ST6GALNAC3: variants seen among roughly 807,000 people sequenced by gnomAD.
ST6GALNAC3 encodes alpha-N-acetylgalactosaminide alpha-2,6-sialyltransferase 3.
A neutral mutation model predicts 32.7 loss-of-function variants in ST6GALNAC3; 25 were observed. That is an observed-to-expected ratio of 0.76 (90% CI 0.56 to 1.07). The LOEUF is 1.07. ST6GALNAC3 is among the 50% of genes least tolerant of loss of function. The pLI, the probability that ST6GALNAC3 is intolerant of heterozygous loss-of-function variation, is 0.00. For synonymous variants in ST6GALNAC3, 129 were observed against 133.1 expected (o/e 0.97, Z 0.21); for missense variants, 355 against 382.4 (o/e 0.93, Z 0.60).
chr1:76,332,402 T>A (rs1384628021), intron 2 of ST6GALNAC3, among the ~76,000 whole-genome samples: 3 of 152,228 alleles, frequency 2.0e-5, no homozygotes, highest in Middle Eastern at 3.2e-3. Context: ...AAATTGGGAT[T>A]CTGCAAATTG....
chr1:76,542,445 A>G (rs1285226359), intron 3 of ST6GALNAC3, among the ~76,000 whole-genome samples: 1 of 152,178 alleles, frequency 6.6e-6, no homozygotes, highest in Non-Finnish European at 1.5e-5. Flanking sequence ...ACTATTAATA[A>G]TTCATGCTCT....
At chr1:76,378,078 G>C (rs1254480371) in intron 2 of ST6GALNAC3, among the ~76,000 whole-genome samples, 10 of 152,230 alleles carry the variant, frequency 6.6e-5, no homozygotes, top group Middle Eastern at 3.4e-3. Flanking sequence ...GCTTACTCCA[G>C]GCCTCTTGGC....
At chr1:76,375,603 T>C (rs1222793918) in intron 2 of ST6GALNAC3, among the ~76,000 whole-genome samples, 1 of 152,084 alleles carries the variant, frequency 6.6e-6, no homozygotes, top group African/African-American at 2.4e-5. Flanking sequence ...GGACCAACGG[T>C]TGATTTTCAA....
intron 3 of ST6GALNAC3, among the ~76,000 whole-genome samples, chr1:76,511,458 T>A (rs1661856268): frequency 6.6e-6 from 1 of 152,158 alleles, no homozygotes; most frequent in Non-Finnish European, 1.5e-5. Context: ...GCTGCTCACA[T>A]CCCTAGCCTG....
chr1:76,305,977 A>G (rs751684044), intron 1 of ST6GALNAC3: 1 of 513,752 alleles, frequency 1.9e-6, no homozygotes, highest in South Asian at 1.4e-5. Flanking sequence ...TAATGGGAAC[A>G]TTCTCATATA....
In ST6GALNAC3 at chr1:76,294,478, A is replaced by G. The variant is rs111821676; in HGVS notation, c.19-19327A>G. The stretch of plus-strand genomic sequence containing the variant: ...ACTATCATATTGCACTTCTAATCAA[A>G]AAATAAATTGAACATAGTGGTAGGC... On this transcript the variant is annotated intron_variant, in intron 1 of 4. Transcript: ENST00000328299. 7.1e-3 allele frequency among the ~76,000 whole-genome samples: 1,084 copies of G among 152,262 alleles called. 17 individuals are homozygous for G. Among genetic ancestry groups the G allele is most frequent in the African/African-American group, 0.025 (1,037 of 41,556 alleles).
chr1:76,575,056 T>G (rs1646778689), intron 3 of ST6GALNAC3, among the ~76,000 whole-genome samples: 1 of 152,152 alleles, frequency 6.6e-6, no homozygotes, highest in Non-Finnish European at 1.5e-5. Flanking sequence ...AAATATTCAT[T>G]TTTATAGCTG....
chr1:76,213,149 C>G (rs1363064323), intron 1 of ST6GALNAC3, among the ~76,000 whole-genome samples: 1 of 152,188 alleles, frequency 6.6e-6, no homozygotes, highest in Non-Finnish European at 1.5e-5. Context: ...GCAACTCACT[C>G]TCAAGTGTTG....
rs1232199820 is a variant in ST6GALNAC3, at chr1:76,634,056, G to C, written c.*5250G>C. ...TTAGTTTTTTTCTTTTTTTTTTTCA[G>C]TTAACTACTTGTTTGTTTCTTTTCA... On this transcript the variant is annotated 3_prime_UTR_variant, in exon 5 of 5. Coordinates refer to ENST00000328299, the MANE Select transcript of ST6GALNAC3 (RefSeq NM_152996.4). The C allele has an allele frequency of 1.9e-6, 1 of 527,612 alleles. No individual in the cohort carries two copies. The highest frequency in any genetic ancestry group is 2.4e-6 in the Non-Finnish European group (1 of 413,160). The allele number at this position is 527,612 out of a possible 1,614,324, so 32.7% of individuals were successfully genotyped here.
At chr1:76,396,670 T>A (rs1206160195) in intron 2 of ST6GALNAC3, among the ~76,000 whole-genome samples, 1 of 152,206 alleles carries the variant, frequency 6.6e-6, no homozygotes, top group Non-Finnish European at 1.5e-5. Flanking sequence ...TGAAATTTGC[T>A]TTGTTGATGC....
chr1:76,108,861 AGTGTGTGTGTGTGTGTGTGT>A (rs10528375), intron 1 of ST6GALNAC3, among the ~76,000 whole-genome samples: 28 of 149,884 alleles, frequency 1.9e-4, no homozygotes, highest in East Asian at 4.0e-4. Context: ...CTGTAGACAT[AGTGTGTGTGTGTGTGTGTGT>A]GTGTGTGTGT....
intron 1 of ST6GALNAC3, among the ~76,000 whole-genome samples, chr1:76,137,155 T>C (rs1649997716): frequency 6.6e-6 from 1 of 152,236 alleles, no homozygotes; most frequent in African/African-American, 2.4e-5. Flanking sequence ...ACACTGCCTG[T>C]GTTTTCAGAG....
At chr1:76,612,178 T>C (rs1005079442) in intron 3 of ST6GALNAC3, among the ~76,000 whole-genome samples, 5 of 152,210 alleles carry the variant, frequency 3.3e-5, no homozygotes, top group Non-Finnish European at 5.9e-5. Context: ...AAGGGACATC[T>C]TGGGAGGTGA....
intron 1 of ST6GALNAC3, among the ~76,000 whole-genome samples, chr1:76,266,157 T>C (rs1658515326): frequency 6.6e-6 from 1 of 152,202 alleles, no homozygotes; most frequent in African/African-American, 2.4e-5. Flanking sequence ...ATTCACCGTA[T>C]GTTATTGGGC....
intron 1 of ST6GALNAC3, among the ~76,000 whole-genome samples, chr1:76,213,842 A>G (rs966138973): frequency 6.6e-6 from 1 of 152,234 alleles, no homozygotes; most frequent in African/African-American, 2.4e-5. Flanking sequence ...TACATGCTTT[A>G]GATGGTGAAC....
At chr1:76,292,858 T>C (rs10873872) in intron 1 of ST6GALNAC3, among the ~76,000 whole-genome samples, 81,295 of 151,896 alleles carry the variant, frequency 0.54, 22,746 homozygotes, top group Admixed American at 0.62. Flanking sequence ...AAACCAAAAT[T>C]ATTGTTTATA....
At chr1:76,320,089 T>C (rs762048797) in intron 2 of ST6GALNAC3, among the ~76,000 whole-genome samples, 1 of 152,198 alleles carries the variant, frequency 6.6e-6, no homozygotes, top group Non-Finnish European at 1.5e-5. Flanking sequence ...GATGCCACTG[T>C]GGGTTAGAAT....
intron 1 of ST6GALNAC3, among the ~76,000 whole-genome samples, chr1:76,242,732 G>T (rs1657039182): frequency 6.6e-6 from 1 of 152,070 alleles, no homozygotes; most frequent in Non-Finnish European, 1.5e-5. Flanking sequence ...GTTTTAGGAT[G>T]CTGAGAATGA....
intron 1 of ST6GALNAC3, among the ~76,000 whole-genome samples, chr1:76,157,941 A>G (rs1288442873): frequency 6.6e-6 from 1 of 152,196 alleles, no homozygotes; most frequent in East Asian, 1.9e-4. Flanking sequence ...CTTAGAACTC[A>G]TGATTGCCCA....
Sources: gnomAD v4.1 joint callset for allele counts (sites outside exome capture counted in the v4.1 genomes callset) on GRCh38, gnomAD v4.1.1 for gene constraint, MANE v1.5 for transcripts, NCBI Gene and HGNC (gene_info 2026-07-23, HGNC 2026-07-21) for gene names.